NLRP5: variants seen among roughly 807,000 people sequenced by gnomAD.
The protein encoded by NLRP5 is NACHT, LRR and PYD domains-containing protein 5.
Under a neutral mutation model 113.1 loss-of-function variants are expected in NLRP5, and 93 were observed. The ratio of observed to expected loss-of-function variants is 0.82; its 90% CI spans 0.70 to 0.98. The LOEUF (loss-of-function observed/expected upper bound fraction) is 0.98, where lower values mean the gene tolerates loss of function less well. NLRP5 is among the 50% of genes least tolerant of loss of function. NLRP5 has a pLI of 0.00. For missense variants in NLRP5, 1,808 were observed against 1,514.3 expected (o/e 1.19, Z -3.22); for synonymous variants, 751 against 600.7 (o/e 1.25, Z -3.66).
At chr19:56,009,296 C>T (rs1416326318) in intron 3 of NLRP5, among the ~76,000 whole-genome samples, 5 of 140,672 alleles carry the variant, frequency 3.6e-5, no homozygotes, top group African/African-American at 8.0e-5. Context: ...GCCGAGATCA[C>T]ACCACTGCAC....
upstream of NLRP5, chr19:55,999,680 A>T (rs770703399): frequency 2.3e-5 from 32 of 1,421,710 alleles, no homozygotes; most frequent in Non-Finnish European, 3.2e-5. Context: ...CTTCCAGAGG[A>T]GAGCCCAGCC....
the NLRP5 span, among the ~76,000 whole-genome samples, chr19:55,990,698 G>A: frequency 1.3e-5 from 2 of 152,032 alleles, no homozygotes; most frequent in Non-Finnish European, 2.9e-5. Context: ...GGTGGTGGGC[G>A]CCTGTAGTCC....
chr19:56,033,371 A>G (rs533529228), intron 8 of NLRP5, among the ~76,000 whole-genome samples, 171 bp from the exon 9 acceptor site: 1 of 152,310 alleles, frequency 6.6e-6, no homozygotes, highest in Admixed American at 6.5e-5. Context: ...ACTCTTTCAT[A>G]CACCATTCCC....
rs192311108 is a variant in NLRP5 at position 56,053,122 on chromosome 19, G to A, written c.3129-516G>A. Among the ~76,000 whole-genome samples the A allele has an allele frequency of 4.5e-3, 688 of 151,906 alleles. 2 individuals are homozygous for A. The highest frequency in any genetic ancestry group is 7.0e-3 in the Non-Finnish European group (474 of 67,956). On this transcript the variant is annotated intron_variant, in intron 12 of 14. Coordinates refer to ENST00000390649, the MANE Select transcript of NLRP5 (RefSeq NM_153447.4). ...GAAAAAAATAAAAAATAGGCTGGGC[G>A]TAGTGGCTCAAGCCTGTAATCCCAG... is the stretch of plus-strand genomic sequence containing the variant.
At chr19:56,047,257 T>C (rs1362799343) in intron 11 of NLRP5, among the ~76,000 whole-genome samples, 1 of 152,176 alleles carries the variant, frequency 6.6e-6, no homozygotes, top group Non-Finnish European at 1.5e-5. Context: ...CTGATCTTGG[T>C]TATTTCCTTT....
chr19:56,037,628 G>A (rs912038928), intron 9 of NLRP5, among the ~76,000 whole-genome samples: 6 of 149,496 alleles, frequency 4.0e-5, no homozygotes, highest in Non-Finnish European at 8.9e-5. Context: ...GGGAGATGGA[G>A]ATTGCAGTGA....
At chr19:55,990,176 C>T in the NLRP5 span, among the ~76,000 whole-genome samples, 4 of 145,156 alleles carry the variant, frequency 2.8e-5, no homozygotes, top group African/African-American at 5.1e-5. Flanking sequence ...GCAACCTCTG[C>T]CTCCCGGGTT....
chr19:55,997,835 C>A (rs1249106063), upstream of NLRP5, among the ~76,000 whole-genome samples: 1 of 150,268 alleles, frequency 6.7e-6, no homozygotes, highest in African/African-American at 2.5e-5. Flanking sequence ...TGCAGTCCAG[C>A]CTGGGTGACA....
intron 10 of NLRP5, among the ~76,000 whole-genome samples, chr19:56,040,305 C>G (rs923897310): frequency 6.6e-6 from 1 of 152,078 alleles, no homozygotes; most frequent in Non-Finnish European, 1.5e-5. Flanking sequence ...CCTGTAATCC[C>G]AACACTTTGG....
chr19:56,014,508 A>C (rs899791876), intron 3 of NLRP5, among the ~76,000 whole-genome samples: 1 of 151,992 alleles, frequency 6.6e-6, no homozygotes, highest in African/African-American at 2.4e-5. Flanking sequence ...TGCTTAACCC[A>C]AAATCAGAAG....
At position 56,050,560 on chromosome 19, in the gene NLRP5, G is replaced by A. The variant is rs774937217; in HGVS notation, c.3100G>A (p.Glu1034Lys). The A allele has an allele frequency of 1.2e-6, 2 of 1,613,900 alleles. No individual in the cohort carries two copies. Among genetic ancestry groups the A allele is most frequent in the East Asian group, 2.2e-5 (1 of 44,862 alleles). ...GAAGCTTCTGTGCGAGGTCATGAGA[G>A]AACCATCTTGTCATCTCCAGGACCT... The change falls in exon 12 of 15, where the codon GAA becomes AAA. Residue 1034 changes from glutamate to lysine, a missense_variant. Physicochemically the swap from Glu to Lys is moderately conservative, Grantham distance 56. Transcript: ENST00000390649.
At chr19:56,005,156 CAT>C (rs953932646) in intron 2 of NLRP5, among the ~76,000 whole-genome samples, 4 of 143,116 alleles carry the variant, frequency 2.8e-5, no homozygotes, top group Admixed American at 2.1e-4. Context: ...TATACACACA[CAT>C]ATACACATAT....
the NLRP5 span, among the ~76,000 whole-genome samples, chr19:55,992,474 C>T: frequency 6.6e-6 from 1 of 152,192 alleles, no homozygotes; most frequent in African/African-American, 2.4e-5. Context: ...AACTGATTTA[C>T]ACTCCCACCA....
rs550308374 is a variant in NLRP5, at chr19:56,044,167, G to C, written c.2957+3075G>C. Among the ~76,000 whole-genome samples the C allele has an allele frequency of 3.6e-3, 550 of 151,120 alleles. 1 individual carries two copies. The highest frequency in any genetic ancestry group is 0.012 in the African/African-American group (497 of 41,164). On this transcript the variant is annotated intron_variant, in intron 11 of 14. Coordinates refer to ENST00000390649, the MANE Select transcript of NLRP5 (RefSeq NM_153447.4). ...CAACCTCCACCTCCCAGGTTCAAGT[G>C]ATTCTCCTGCCTCAGCCTCCCCAGT...
intron 6 of NLRP5, among the ~76,000 whole-genome samples, chr19:56,025,362 T>A (rs1362062594): frequency 6.9e-6 from 1 of 145,574 alleles, no homozygotes; most frequent in Non-Finnish European, 1.6e-5. Flanking sequence ...GCGGGATCTG[T>A]TTGACCTCAA....
intron 14 of NLRP5, 110 bp downstream of exon 14, chr19:56,058,520 A>C: frequency 1.1e-6 from 1 of 931,800 alleles, no homozygotes; most frequent in South Asian, 1.7e-5. Context: ...CTTGGGAGCC[A>C]CATTTTACTC....
rs953198422 is a variant in NLRP5 at position 56,028,354 on chromosome 19, C to T, written c.2121C>T (p.Phe707=). 10 of 1,614,002 alleles carry T rather than the reference C, an allele frequency of 6.2e-6. No individual in the cohort carries two copies. The highest frequency in any genetic ancestry group is 8.5e-6 in the Non-Finnish European group (10 of 1,179,896). Reference sequence around the variant, plus strand: ...TTGTTCGCTTGGCATTAAACAGCTTCCAAGAAGTGTGGCTTCCGATTAACC... The same window carrying T: ...TTGTTCGCTTGGCATTAAACAGCTTTCAAGAAGTGTGGCTTCCGATTAACC... The change falls in exon 7 of 15, where the codon TTC becomes TTT. Residue 707 remains phenylalanine (F), a synonymous_variant. Transcript: ENST00000390649.
upstream of NLRP5, among the ~76,000 whole-genome samples, chr19:55,996,896 C>T (rs914085058): frequency 2.0e-5 from 3 of 152,130 alleles, no homozygotes; most frequent in African/African-American, 7.2e-5. Context: ...TTCTAGATCC[C>T]TGAGGAATCG....
At chr19:56,005,249 A>ATTTT (rs1981829504) in intron 2 of NLRP5, among the ~76,000 whole-genome samples, 1 of 124,244 alleles carries the variant, frequency 8.0e-6, no homozygotes, top group African/African-American at 3.1e-5. Flanking sequence ...ATACACACAT[A>ATTTT]TATATTTATA....
Sources: gnomAD v4.1 joint callset for allele counts (sites outside exome capture counted in the v4.1 genomes callset) on GRCh38, gnomAD v4.1.1 for gene constraint, MANE v1.5 for transcripts, NCBI Gene and HGNC (gene_info 2026-07-23, HGNC 2026-07-21) for gene names.